The following DIP2A variants were observed in gnomAD, a reference collection of about 807,000 sequenced individuals.
DIP2A encodes DIP2 acetate--CoA ligase A.
DIP2A carries 85 observed loss-of-function variants against 177.4 expected under a neutral mutation model. That is an observed-to-expected ratio of 0.48 (90% CI 0.40 to 0.57). The LOEUF (loss-of-function observed/expected upper bound fraction) is 0.57. DIP2A is among the 20% of genes least tolerant of loss of function. The pLI, the probability that DIP2A is intolerant of heterozygous loss-of-function variation, is 0.00. For missense variants in DIP2A, 1,791 were observed against 2,100.2 expected, an observed-to-expected ratio of 0.85 and a Z score of 2.88; for synonymous variants, 886 against 881.8, an observed-to-expected ratio of 1.00 and a Z score of -0.08.
chr21:46,573,087 T>A (rs1340807281), downstream of DIP2A, among the ~76,000 whole-genome samples: 1 of 151,982 alleles, frequency 6.6e-6, no homozygotes, highest in Non-Finnish European at 1.5e-5. Context: ...TGTTAAGTAA[T>A]GCATGGCTGT....
At position 46,551,588 on chromosome 21, in the gene DIP2A, A is replaced by G. The variant is rs756315223; in HGVS notation, c.2840-46A>G. The G allele has an allele frequency of 4.0e-6, 6 of 1,501,576 alleles. No homozygotes were observed. In the African/African-American group the frequency reaches 5.5e-5, roughly 14 times the overall value. 93.0% of individuals were successfully genotyped at this position (1,501,576 alleles called of 1,614,324 possible). On this transcript the variant is annotated intron_variant, in intron 23 of 37. Transcript: ENST00000417564. The stretch of plus-strand genomic sequence containing the variant: ...GTAAATAAAATCACGTGATGTTTAT[A>G]TATGAGAAGTCACCAGCTTTTCATT...
chr21:46,545,379 C>T, intron 19 of DIP2A, 106 bp downstream of exon 19: 1 of 1,346,544 alleles, frequency 7.4e-7, no homozygotes, highest in Non-Finnish European at 1.0e-6. Flanking sequence ...CGGGGATGGT[C>T]TCCTTCCACA....
intron 1 of DIP2A, among the ~76,000 whole-genome samples, chr21:46,477,079 T>C (rs1336195199): frequency 6.6e-6 from 1 of 152,154 alleles, no homozygotes; most frequent in South Asian, 2.1e-4. Context: ...TATGGATCAC[T>C]CCTCGTTTTC....
chr21:46,542,425 G>A (rs907897196), intron 18 of DIP2A, among the ~76,000 whole-genome samples: 5 of 152,204 alleles, frequency 3.3e-5, no homozygotes, highest in Non-Finnish European at 5.9e-5. Flanking sequence ...TGATAATTAG[G>A]TTATCTAAGT....
At chr21:46,490,388 G>A (rs924354913) in intron 2 of DIP2A, among the ~76,000 whole-genome samples, 1 of 152,186 alleles carries the variant, frequency 6.6e-6, no homozygotes, top group African/African-American at 2.4e-5. Context: ...TGAATGAGAG[G>A]CAGGGCTGGG....
Position 46,504,174 on chromosome 21 carries a change from G to A in DIP2A, c.656-187G>A, listed in dbSNP as rs149069652. ...ACATGCACGCAGATGTCTGCATAAC[G>A]TGTCTGGGAGTTCATAGGGTCCCAG... is the stretch of plus-strand genomic sequence containing the variant. On this transcript the variant is annotated intron_variant, in intron 5 of 37. Coordinates refer to ENST00000417564, the MANE Select transcript of DIP2A (RefSeq NM_015151.4). The A allele has an allele frequency of 6.7e-4, 477 of 714,838 alleles. 1 individual carries two copies. The East Asian group carries it at 0.01, about 16-fold the overall frequency. 44.3% of individuals were successfully genotyped at this position (714,838 alleles called of 1,614,324 possible).
At chr21:46,542,015 C>G in intron 18 of DIP2A, 120 bp downstream of exon 18, 1 of 1,197,214 alleles carries the variant, frequency 8.4e-7, no homozygotes, top group Non-Finnish European at 1.2e-6. Context: ...GTGGTGTGAT[C>G]TTGGCTCACT....
rs368793576 is a variant in DIP2A, at chr21:46,534,119, G to A, written c.1539+6G>A. On this transcript the variant is annotated splice_donor_region_variant and intron_variant, in intron 12 of 37. Coordinates refer to ENST00000417564, the MANE Select transcript of DIP2A (RefSeq NM_015151.4). Reference sequence around the variant, plus strand: ...CTGGGACTGCCTACATTGAGGTAATGACTGTTCCTAACTTAGAGAATGTAA... The same window carrying A: ...CTGGGACTGCCTACATTGAGGTAATAACTGTTCCTAACTTAGAGAATGTAA... The A allele has an allele frequency of 6.4e-5, 103 of 1,604,624 alleles. No homozygotes were observed. The East Asian group carries it at 1.5e-3, about 24-fold the overall frequency.
At position 46,470,060 on chromosome 21, in the gene DIP2A, A is replaced by T. The variant is rs370784265; in HGVS notation, c.91+10838A>T. On this transcript the variant is annotated intron_variant, in intron 1 of 37. Coordinates refer to ENST00000417564, the MANE Select transcript of DIP2A (RefSeq NM_015151.4). ...TTTAGTATAAAAATGAATTCAGGCC[A>T]GGTGCGGTGGCTCACGCCTGTAATT... is the stretch of plus-strand genomic sequence containing the variant. Among the ~76,000 whole-genome samples the T allele has an allele frequency of 3.9e-5, 6 of 152,346 alleles. No homozygotes were observed. In the East Asian group the frequency reaches 7.7e-4, roughly 20 times the overall value.
chr21:46,520,660 A>G (rs960679205), intron 8 of DIP2A, among the ~76,000 whole-genome samples: 2 of 152,248 alleles, frequency 1.3e-5, no homozygotes, highest in African/African-American at 4.8e-5. Flanking sequence ...TACAAAAGCC[A>G]CAATTGACTA....
At chr21:46,468,474 G>A (rs12185864) in intron 1 of DIP2A, among the ~76,000 whole-genome samples, 70,805 of 151,060 alleles carry the variant, frequency 0.47, 16,902 homozygotes, top group Non-Finnish European at 0.51. Flanking sequence ...GCCCACTTGT[G>A]TCAGAAATTT....
chr21:46,567,936 A>G lies in DIP2A; in HGVS notation c.*314A>G, dbSNP rs1210598291. The G allele has an allele frequency of 7.0e-6, 2 of 284,508 alleles. No homozygotes were observed. Among genetic ancestry groups the G allele is most frequent in the African/African-American group, 2.2e-5 (1 of 46,136 alleles). The allele number at this position is 284,508 out of a possible 1,614,324, so 17.6% of individuals were successfully genotyped here. ...AGGCACCGAGGTTGTTCTCTGCTGT[A>G]CTGCAAGTTTGCACTTTCTTTAGGC... On this transcript the variant is annotated 3_prime_UTR_variant, in exon 38 of 38. Coordinates refer to ENST00000417564, the MANE Select transcript of DIP2A (RefSeq NM_015151.4).
rs777229051 is a variant in DIP2A at position 46,539,965 on chromosome 21, T to A, written c.2010T>A (p.Pro670=). ...PEVICPCASS[P]EALTVAIRRP... ...TCATCTGTCCTTGTGCAAGTTCTCC[T>A]GAGGCGCTGACTGTCGCCATCCGCA... The change falls in exon 17 of 38, where the codon CCT becomes CCA. Residue 670 remains proline, a synonymous_variant. Coordinates refer to ENST00000417564, the MANE Select transcript of DIP2A (RefSeq NM_015151.4). 1 of 1,614,034 alleles carries A rather than the reference T, an allele frequency of 6.2e-7. No homozygotes were observed. Among genetic ancestry groups the A allele is most frequent in the Non-Finnish European group, 8.5e-7 (1 of 1,179,874 alleles).
chr21:46,570,180 A>T (rs904668169), downstream of DIP2A, among the ~76,000 whole-genome samples: 1 of 152,184 alleles, frequency 6.6e-6, no homozygotes, highest in African/African-American at 2.4e-5. Context: ...CCTTGGGCTC[A>T]GTTCTTATAG....
At chr21:46,472,080 TAAG>T (rs2055434173) in intron 1 of DIP2A, among the ~76,000 whole-genome samples, 1 of 152,256 alleles carries the variant, frequency 6.6e-6, no homozygotes, top group East Asian at 1.9e-4. Flanking sequence ...GACTGGACCT[TAAG>T]GAGATATTTA....
chr21:46,544,195 C>T (rs1056121017), intron 18 of DIP2A, among the ~76,000 whole-genome samples: 1 of 151,900 alleles, frequency 6.6e-6, no homozygotes, highest in African/African-American at 2.4e-5. Context: ...AGCAGGTCAC[C>T]GAGAGTTGGG....
At chr21:46,576,312 C>G in the DIP2A span, among the ~76,000 whole-genome samples, 1 of 152,004 alleles carries the variant, frequency 6.6e-6, no homozygotes, top group South Asian at 2.1e-4. Context: ...GTGTGTTGTT[C>G]CCCTCTGTGT....
intron 1 of DIP2A, among the ~76,000 whole-genome samples, chr21:46,472,688 G>A (rs992230234): frequency 6.6e-6 from 1 of 152,138 alleles, no homozygotes; most frequent in Admixed American, 6.5e-5. Context: ...GAGGAGGAAA[G>A]GCAGGGGCTA....
intron 31 of DIP2A, 104 bp from the exon 32 acceptor site, chr21:46,558,119 G>C (rs1409024741): frequency 8.1e-7 from 1 of 1,229,804 alleles, no homozygotes; most frequent in Non-Finnish European, 1.1e-6. Context: ...TTGGTGTCCA[G>C]CTCCACCTCT....
Sources: allele counts gnomAD v4.1 joint callset (sites outside exome capture counted in the v4.1 genomes callset), GRCh38; gene constraint gnomAD v4.1.1; transcripts MANE v1.5; gene names NCBI Gene and HGNC (gene_info 2026-07-23, HGNC 2026-07-21).